Variants in HEXB observed in about 807,000 individuals in gnomAD.
HEXB encodes the protein hexosaminidase subunit beta, also known as beta-hexosaminidase subunit beta.
HEXB carries 51 observed loss-of-function variants against 71.2 expected under a neutral mutation model. The ratio of observed to expected loss-of-function variants is 0.72; its 90% CI spans 0.57 to 0.90. The LOEUF is 0.90. Among genes scored for constraint, HEXB ranks in the 40% least tolerant of loss-of-function variants. The pLI, the probability that HEXB is intolerant of heterozygous loss-of-function variation, is 0.00. For synonymous variants in HEXB, 266 were observed against 249.3 expected, an observed-to-expected ratio of 1.07 and a Z score of -0.63; for missense variants, 617 against 677.0, an observed-to-expected ratio of 0.91 and a Z score of 0.98.
Position 74,689,317 on chromosome 5 carries a change from T to G in HEXB, c.300-11T>G. 1 of 1,609,258 alleles carries G rather than the reference T, an allele frequency of 6.2e-7. No homozygotes were observed. On this transcript the variant is annotated splice_polypyrimidine_tract_variant and intron_variant, in intron 1 of 13. Transcript: ENST00000261416. ...CCTTCTAAAATGTGTTTACATTTAT[T>G]TCTCAAACAGATATCATGGCTATAT...
chr5:74,685,341 G>A lies in HEXB; in HGVS notation c.81G>A (p.Leu27=), dbSNP rs1326498710. ...TGGCGACACTGCTGGCGGCGATGTT[G>A]GCGCTGCTGACTCAGGTGGCGCTGG... is the stretch of plus-strand genomic sequence containing the variant. ...LLLATLLAAM[L]ALLTQVALVV... is the part of the protein sequence containing the mutation. Residue 27 remains leucine (L), a synonymous_variant, in exon 1 of 14, where the codon TTG becomes TTA. Transcript: ENST00000261416. The A allele has an allele frequency of 1.9e-6, 3 of 1,581,514 alleles. No homozygotes were observed. In the East Asian group the frequency reaches 7.0e-5, roughly 37 times the overall value.
intron 1 of HEXB, among the ~76,000 whole-genome samples, chr5:74,646,396 G>A (rs1229873809): frequency 2.0e-5 from 3 of 152,040 alleles, no homozygotes. Context: ...ATCTCTTAGA[G>A]TGTTTACTTG....
chr5:74,720,218 G>C lies in HEXB; in HGVS notation c.1418-210G>C, dbSNP rs553435312. The C allele has an allele frequency of 1.7e-5, 10 of 598,376 alleles. No homozygotes were observed. The African/African-American group carries it at 1.9e-4, about 11-fold the overall frequency. 37.1% of individuals were successfully genotyped at this position (598,376 alleles called of 1,614,324 possible). ...CTGTGAACCGTGGGTCAGGGCTGGG[G>C]ATAAAGTTTGCAACCATTTTTTTGG... On this transcript the variant is annotated intron_variant, in intron 11 of 13. Transcript: ENST00000261416.
At chr5:74,701,176 G>A (rs1271844105) in intron 5 of HEXB, among the ~76,000 whole-genome samples, 3 of 151,852 alleles carry the variant, frequency 2.0e-5, no homozygotes, top group Non-Finnish European at 4.4e-5. Flanking sequence ...AGCCACCCAT[G>A]CCCAGCCACA....
chr5:74,663,146 T>C (rs1748358719), intron 1 of HEXB, among the ~76,000 whole-genome samples: 1 of 151,988 alleles, frequency 6.6e-6, no homozygotes, highest in African/African-American at 2.4e-5. Context: ...CTAAAGTCAG[T>C]GTCTAATTAC....
chr5:74,662,582 T>A lies in HEXB; in HGVS notation c.-377+22024T>A, dbSNP rs145140758. ...GAGCTACTGGTCCAAAAGGAATAGA[T>A]GTTTTAAGGTGCTGTTTGCAAAAGT... On this transcript the variant is annotated intron_variant, in intron 1 of 13. Coordinates refer to the HEXB transcript ENST00000511181. 7.4e-3 allele frequency among the ~76,000 whole-genome samples: 1,120 copies of A among 152,304 alleles called. 18 individuals are homozygous for A. Among genetic ancestry groups the A allele is most frequent in the African/African-American group, 0.025 (1,039 of 41,558 alleles).
At chr5:74,713,837 T>TTTTTG (rs1227222728) in intron 7 of HEXB, among the ~76,000 whole-genome samples, 2 of 151,870 alleles carry the variant, frequency 1.3e-5, no homozygotes, top group Admixed American at 1.3e-4. Flanking sequence ...CTAATTTTTG[T>TTTTTG]TTTTGTTTTG....
At position 74,696,656 on chromosome 5, in the gene HEXB, A is replaced by T. The variant is rs577818599; in HGVS notation, c.512-37A>T. ...TAACTTTTATCATCTCAATTTGTTG[A>T]TTTATAAATTAATGCAATAAATTTT... On this transcript the variant is annotated intron_variant, in intron 3 of 13. Transcript: ENST00000261416. 5 of 1,082,818 alleles carry T rather than the reference A, an allele frequency of 4.6e-6. No homozygotes were observed. The East Asian group carries it at 9.5e-5, about 21-fold the overall frequency. The allele number at this position is 1,082,818 out of a possible 1,614,324, so 67.1% of individuals were successfully genotyped here.
chr5:74,657,374 G>A (rs990004193), intron 1 of HEXB, among the ~76,000 whole-genome samples: 1 of 152,102 alleles, frequency 6.6e-6, no homozygotes, highest in African/African-American at 2.4e-5. Context: ...AAGTGACCAG[G>A]TCTTTCCTTT....
At chr5:74,697,161 G>A (rs1391749735) in intron 5 of HEXB, 55 bp downstream of exon 5, 9 of 877,544 alleles carry the variant, frequency 1.0e-5, no homozygotes, top group Non-Finnish European at 5.8e-6. Flanking sequence ...TCTCCTTTAT[G>A]TTGTAACTTT....
At chr5:74,640,790 A>G (rs930980170) in intron 1 of HEXB, 2 of 152,218 alleles carry the variant, frequency 1.3e-5, no homozygotes, top group African/African-American at 4.8e-5. Context: ...GCGCGTATGC[A>G]AAGAGACCGA....
rs1290206633 is a variant in HEXB at position 74,641,588 on chromosome 5, C to A, written c.-377+1030C>A. The stretch of plus-strand genomic sequence containing the variant: ...GCGATTAAGCCTCCATCACCTTCTC[C>A]TGTTTTTTATCGCTCGGTGGTGTTA... On this transcript the variant is annotated intron_variant, in intron 1 of 13. Transcript: ENST00000511181. The surrounding 1 kb of genome is among the most constrained non-coding windows in gnomAD (Gnocchi z 4.1). Among the ~76,000 whole-genome samples the A allele has an allele frequency of 2.0e-5, 3 of 152,204 alleles. No homozygotes were observed. Among genetic ancestry groups the A allele is most frequent in the African/African-American group, 4.8e-5 (2 of 41,444 alleles).
chr5:74,707,037 C>T (rs796448125), intron 6 of HEXB, among the ~76,000 whole-genome samples: 2 of 152,006 alleles, frequency 1.3e-5, no homozygotes, highest in South Asian at 2.1e-4. Flanking sequence ...CTGGGAGGCA[C>T]CCCCCAGTAG....
upstream of HEXB, among the ~76,000 whole-genome samples, chr5:74,681,344 T>C (rs1748734990): frequency 6.6e-6 from 1 of 152,040 alleles, no homozygotes. Flanking sequence ...CTACTAAACA[T>C]CACGTAATGC....
At chr5:74,682,869 CA>C (rs1748764836), upstream of HEXB, among the ~76,000 whole-genome samples, 1 of 152,092 alleles carries the variant, frequency 6.6e-6, no homozygotes, top group Non-Finnish European at 1.5e-5. Context: ...ACTCTTATAA[CA>C]AAAGAGCAGA....
In HEXB at chr5:74,696,684, T is replaced by A; in HGVS notation, c.512-9T>A. ...TATAAATTAATGCAATAAATTTTAC[T>A]TTCCTCAGGTTTAGAGACCTTTAGC... On this transcript the variant is annotated splice_polypyrimidine_tract_variant and intron_variant, in intron 3 of 13. Coordinates refer to ENST00000261416, the MANE Select transcript of HEXB (RefSeq NM_000521.4). The A allele has an allele frequency of 7.3e-7, 1 of 1,364,054 alleles. No individual in the cohort carries two copies. Among genetic ancestry groups the A allele is most frequent in the South Asian group, 1.2e-5 (1 of 85,040 alleles). 84.5% of individuals were successfully genotyped at this position (1,364,054 alleles called of 1,614,324 possible). A position where few individuals can be genotyped will look rare whatever the true frequency, so the allele number is the denominator to read the frequency against.
At chr5:74,676,156 T>G (rs1748626903) in intron 1 of HEXB, among the ~76,000 whole-genome samples, 2 of 152,258 alleles carry the variant, frequency 1.3e-5, no homozygotes, top group Non-Finnish European at 2.9e-5. Flanking sequence ...CAATCAAGTC[T>G]TTAATTTCAT....
chr5:74,676,638 T>C (rs11750605), intron 1 of HEXB, among the ~76,000 whole-genome samples: 22,789 of 151,988 alleles, frequency 0.15, 1,920 homozygotes, highest in East Asian at 0.27. Flanking sequence ...TGGTGGCACA[T>C]GCCTGTGATT....
chr5:74,703,415 T>C (rs909612382), intron 5 of HEXB, among the ~76,000 whole-genome samples: 5 of 152,200 alleles, frequency 3.3e-5, no homozygotes, highest in Non-Finnish European at 7.3e-5. Context: ...CTTTTCTGTG[T>C]CCTCAGACTT....
Sources: allele counts gnomAD v4.1 joint callset (sites outside exome capture counted in the v4.1 genomes callset), GRCh38; gene constraint gnomAD v4.1.1; non-coding constraint Gnocchi (gnomAD v3.1); transcripts MANE v1.5; gene names NCBI Gene and HGNC (gene_info 2026-07-23, HGNC 2026-07-21).